Variants in GNAQ observed in about 807,000 individuals in gnomAD.
The protein encoded by GNAQ is G protein subunit alpha q, also known as guanine nucleotide-binding protein G(q) subunit alpha.
In GNAQ, 8 loss-of-function variants were observed where a neutral mutation model predicts 43.9. The ratio of observed to expected loss-of-function variants is 0.18; its 90% CI spans 0.11 to 0.33. The LOEUF (loss-of-function observed/expected upper bound fraction) is 0.33. Ranked by LOEUF, GNAQ falls within the 10% of genes least tolerant of loss-of-function variation. The pLI, the probability that GNAQ is intolerant of heterozygous loss-of-function variation, is 1.00. For missense variants in GNAQ, 158 were observed against 450.8 expected (o/e 0.35, Z 5.88); for synonymous variants, 155 against 170.7 (o/e 0.91, Z 0.71).
intron 5 of GNAQ, among the ~76,000 whole-genome samples, chr9:77,765,485 G>A (rs1371298185): frequency 3.3e-5 from 5 of 152,134 alleles, no homozygotes; most frequent in Non-Finnish European, 7.4e-5. Flanking sequence ...CTTCAAGGAA[G>A]TTATATAAAC....
intron 5 of GNAQ, among the ~76,000 whole-genome samples, chr9:77,779,040 G>C (rs1826347447): frequency 6.6e-6 from 1 of 151,982 alleles, no homozygotes; most frequent in Non-Finnish European, 1.5e-5. Flanking sequence ...GAACATAGCT[G>C]TATTCAACAA....
At chr9:77,920,098 C>T (rs1828974431) in intron 2 of GNAQ, among the ~76,000 whole-genome samples, 1 of 151,274 alleles carries the variant, frequency 6.6e-6, no homozygotes, top group African/African-American at 2.4e-5. Context: ...GAGATCGCGC[C>T]ACTGCACTCC....
At chr9:77,938,614 T>G (rs563977048) in intron 1 of GNAQ, among the ~76,000 whole-genome samples, 2 of 152,172 alleles carry the variant, frequency 1.3e-5, no homozygotes, top group Non-Finnish European at 2.9e-5. Flanking sequence ...GTGGCTGTAG[T>G]CTGTGCTGCA....
At chr9:77,812,752 C>CT (rs60797810) in intron 3 of GNAQ, among the ~76,000 whole-genome samples, 2 of 151,780 alleles carry the variant, frequency 1.3e-5, no homozygotes, top group African/African-American at 4.8e-5. Context: ...AAATGTCCTA[C>CT]TTTTTTAAAA....
At chr9:77,968,048 C>T (rs928900991) in intron 1 of GNAQ, among the ~76,000 whole-genome samples, 2 of 152,102 alleles carry the variant, frequency 1.3e-5, no homozygotes, top group Middle Eastern at 3.2e-3. Flanking sequence ...TAGGAATATT[C>T]TGCAATTAGA....
chr9:77,970,225 A>C (rs964171226), intron 1 of GNAQ, among the ~76,000 whole-genome samples: 4 of 148,278 alleles, frequency 2.7e-5, no homozygotes, highest in African/African-American at 1.0e-4. Flanking sequence ...ATCTCCACAA[A>C]AAAAAAAAAA....
intron 1 of GNAQ, among the ~76,000 whole-genome samples, chr9:77,959,938 G>A (rs1439094428): frequency 6.6e-6 from 1 of 152,116 alleles, no homozygotes; most frequent in Non-Finnish European, 1.5e-5. Context: ...AACCTAAATT[G>A]TGGAAGCTAA....
chr9:77,883,421 G>A (rs1828247482), intron 2 of GNAQ, among the ~76,000 whole-genome samples: 1 of 151,108 alleles, frequency 6.6e-6, no homozygotes, highest in South Asian at 2.1e-4. Context: ...GTAGGCTGAG[G>A]AACAGTGGTT....
intron 2 of GNAQ, among the ~76,000 whole-genome samples, chr9:77,845,899 T>C (rs563745004): frequency 4.6e-5 from 7 of 151,630 alleles, no homozygotes; most frequent in Non-Finnish European, 1.0e-4. Flanking sequence ...AAAGAAAGAG[T>C]TGTTGCTTAA....
intron 2 of GNAQ, among the ~76,000 whole-genome samples, chr9:77,832,921 C>A (rs1291487456): frequency 6.6e-6 from 1 of 152,112 alleles, no homozygotes; most frequent in African/African-American, 2.4e-5. Context: ...GAAGACACTG[C>A]TCAGACTAAC....
At chr9:77,782,719 A>C (rs559772128) in intron 5 of GNAQ, among the ~76,000 whole-genome samples, 1 of 152,238 alleles carries the variant, frequency 6.6e-6, no homozygotes, top group South Asian at 2.1e-4. Flanking sequence ...TTCATTCATA[A>C]AACTGCCAAA....
chr9:77,791,478 C>T (rs1443894432), intron 5 of GNAQ, among the ~76,000 whole-genome samples: 1 of 152,080 alleles, frequency 6.6e-6, no homozygotes, highest in Non-Finnish European at 1.5e-5. Flanking sequence ...AGGGAATACA[C>T]ACATCAATAA....
At chr9:77,919,555 C>T (rs1231286798) in intron 2 of GNAQ, among the ~76,000 whole-genome samples, 2 of 151,972 alleles carry the variant, frequency 1.3e-5, no homozygotes, top group Non-Finnish European at 2.9e-5. Flanking sequence ...CAAGCATAAA[C>T]AAAGGCAACA....
intron 5 of GNAQ, among the ~76,000 whole-genome samples, chr9:77,774,258 T>C (rs1039319808): frequency 1.3e-5 from 2 of 152,202 alleles, no homozygotes; most frequent in African/African-American, 4.8e-5. Flanking sequence ...TAATTTGTAT[T>C]ACTTCTAAAA....
At chr9:77,854,881 C>T (rs1827727599) in intron 2 of GNAQ, among the ~76,000 whole-genome samples, 1 of 152,064 alleles carries the variant, frequency 6.6e-6, no homozygotes, top group African/African-American at 2.4e-5. Context: ...TTCAGGGTTT[C>T]GTGTGGAATG....
At chr9:77,963,903 A>G (rs960429292) in intron 1 of GNAQ, among the ~76,000 whole-genome samples, 1 of 152,202 alleles carries the variant, frequency 6.6e-6, no homozygotes, top group African/African-American at 2.4e-5. Context: ...AATCTTAAAA[A>G]AAAATTTAAA....
intron 2 of GNAQ, among the ~76,000 whole-genome samples, chr9:77,845,817 T>TA (rs1312533006): frequency 2.0e-5 from 3 of 152,166 alleles, no homozygotes; most frequent in African/African-American, 7.2e-5. Context: ...GGGTCTAGCA[T>TA]AGGGACCCTG....
chr9:77,941,393 G>A (rs202016231), intron 1 of GNAQ, among the ~76,000 whole-genome samples: 1 of 152,018 alleles, frequency 6.6e-6, no homozygotes, highest in African/African-American at 2.4e-5. Flanking sequence ...GGGACTACAG[G>A]CACCCACCAC....
At chr9:77,851,750 G>A (rs1827678391) in intron 2 of GNAQ, among the ~76,000 whole-genome samples, 2 of 152,262 alleles carry the variant, frequency 1.3e-5, no homozygotes, top group South Asian at 2.1e-4. Context: ...AGTTTGCTCT[G>A]TTTACTTTAA....
Sources: allele counts gnomAD v4.1 joint callset (sites outside exome capture counted in the v4.1 genomes callset), GRCh38; gene constraint gnomAD v4.1.1; transcripts MANE v1.5; gene names NCBI Gene and HGNC (gene_info 2026-07-23, HGNC 2026-07-21).